Variants in FCHSD2 observed in about 807,000 individuals in gnomAD.
FCHSD2 encodes the protein FCH and double SH3 domains 2.
A neutral mutation model predicts 108.1 loss-of-function variants in FCHSD2; 38 were observed. That is an observed-to-expected ratio of 0.35 (90% CI 0.27 to 0.46). FCHSD2 has a LOEUF of 0.46. FCHSD2 is among the 20% of genes least tolerant of loss of function. The pLI, the probability that FCHSD2 is intolerant of heterozygous loss-of-function variation, is 1.00. For missense variants in FCHSD2, 751 were observed against 897.8 expected, an observed-to-expected ratio of 0.84 and a Z score of 2.09; for synonymous variants, 279 against 314.7, an observed-to-expected ratio of 0.89 and a Z score of 1.20.
At chr11:72,940,505 C>T in intron 8 of FCHSD2, 1 of 798,772 alleles carries the variant, frequency 1.3e-6, no homozygotes, top group Non-Finnish European at 2.2e-6. Context: ...AAGATGGGTG[C>T]ATACCCGCAC....
chr11:73,090,943 CT>C (rs1438850705), intron 2 of FCHSD2, among the ~76,000 whole-genome samples: 1 of 152,156 alleles, frequency 6.6e-6, no homozygotes, highest in Admixed American at 6.6e-5. Context: ...TTCTCCTCCC[CT>C]GTCAACTACT....
intron 14 of FCHSD2, among the ~76,000 whole-genome samples, chr11:72,847,134 C>T (rs1861167787): frequency 6.6e-6 from 1 of 152,246 alleles, no homozygotes; most frequent in Admixed American, 6.5e-5. Context: ...ATAGCTAGGA[C>T]GATAGGCATG....
At chr11:73,141,056 G>A (rs145736647) in intron 1 of FCHSD2, among the ~76,000 whole-genome samples, 15 of 152,358 alleles carry the variant, frequency 9.8e-5, no homozygotes, top group African/African-American at 2.9e-4. Context: ...AGTGCCCAGA[G>A]TAGACATTCA....
At chr11:73,112,634 C>T (rs1318430867) in intron 2 of FCHSD2, among the ~76,000 whole-genome samples, 3 of 152,054 alleles carry the variant, frequency 2.0e-5, no homozygotes, top group Admixed American at 6.5e-5. Context: ...TTAGATTTGC[C>T]TTTTTGTTGT....
At chr11:72,960,395 T>A (rs991199906) in intron 8 of FCHSD2, among the ~76,000 whole-genome samples, 1 of 152,194 alleles carries the variant, frequency 6.6e-6, no homozygotes, top group Non-Finnish European at 1.5e-5. Flanking sequence ...TCATATGGAA[T>A]ATATGCTCTA....
intron 3 of FCHSD2, chr11:73,077,708 A>G (rs1436053077): frequency 8.1e-6 from 3 of 371,038 alleles, no homozygotes; most frequent in African/African-American, 6.5e-5. Context: ...ACTGATGCAC[A>G]CAACAACATA....
chr11:73,048,801 G>C (rs1338397520), intron 3 of FCHSD2, among the ~76,000 whole-genome samples: 1 of 152,140 alleles, frequency 6.6e-6, no homozygotes, highest in Non-Finnish European at 1.5e-5. Context: ...CAAGAGAAAG[G>C]GTGGGGAATG....
chr11:72,939,928 T>C (rs2135339973), intron 8 of FCHSD2, among the ~76,000 whole-genome samples: 1 of 152,272 alleles, frequency 6.6e-6, no homozygotes. Context: ...TTGACGGCTC[T>C]TTGTATAACC....
intron 8 of FCHSD2, among the ~76,000 whole-genome samples, chr11:72,961,250 G>C (rs1290046350): frequency 6.6e-6 from 1 of 151,962 alleles, no homozygotes; most frequent in African/African-American, 2.4e-5. Context: ...TTTGTTTTTT[G>C]AGACAGAGTC....
chr11:72,999,122 G>A (rs751405944), intron 5 of FCHSD2, among the ~76,000 whole-genome samples: 2 of 152,094 alleles, frequency 1.3e-5, no homozygotes, highest in African/African-American at 2.4e-5. Context: ...AGTTATACAA[G>A]CAGATACATT....
chr11:73,060,555 G>A (rs1859136589), intron 3 of FCHSD2, among the ~76,000 whole-genome samples: 1 of 152,166 alleles, frequency 6.6e-6, no homozygotes, highest in South Asian at 2.1e-4. Flanking sequence ...GAGCCAGAAG[G>A]AGCCATAAAG....
intron 2 of FCHSD2, among the ~76,000 whole-genome samples, chr11:73,099,874 G>A (rs1263510310): frequency 6.6e-6 from 1 of 152,146 alleles, no homozygotes; most frequent in South Asian, 2.1e-4. Flanking sequence ...CTGGCCTCTC[G>A]GTCACTCCGA....
intron 5 of FCHSD2, 91 bp downstream of exon 5, chr11:73,000,899 A>C: frequency 9.0e-7 from 1 of 1,116,124 alleles, no homozygotes; most frequent in Non-Finnish European, 1.3e-6. Flanking sequence ...GGGACCATAT[A>C]GTTTTAAATA....
intron 18 of FCHSD2, 43 bp from the exon 19 acceptor site, chr11:72,841,002 G>C (rs748755228): frequency 3.2e-5 from 46 of 1,438,402 alleles, no homozygotes; most frequent in Non-Finnish European, 4.5e-5. Context: ...TTGAGTTGTT[G>C]AGCAATAATG....
chr11:73,099,731 A>T (rs748530013), intron 2 of FCHSD2, among the ~76,000 whole-genome samples: 2 of 152,216 alleles, frequency 1.3e-5, no homozygotes, highest in Admixed American at 1.3e-4. Flanking sequence ...GGGGCTGTCA[A>T]GCCGGACCAA....
intron 5 of FCHSD2, among the ~76,000 whole-genome samples, chr11:72,997,040 AAG>A (rs1316652795): frequency 6.6e-6 from 1 of 152,200 alleles, no homozygotes; most frequent in African/African-American, 2.4e-5. Context: ...AGGGTCTAGA[AAG>A]AGGGGTACTG....
intron 8 of FCHSD2, among the ~76,000 whole-genome samples, chr11:72,926,291 T>A (rs2135318097): frequency 6.6e-6 from 1 of 152,174 alleles, no homozygotes; most frequent in Non-Finnish European, 1.5e-5. Flanking sequence ...CCACACACAC[T>A]TCCTCCATTC....
chr11:73,090,468 G>C (rs11235651), intron 2 of FCHSD2, among the ~76,000 whole-genome samples: 1 of 151,696 alleles, frequency 6.6e-6, no homozygotes, highest in Admixed American at 6.6e-5. Flanking sequence ...CTCGTGATCC[G>C]CCCGCCTCGG....
chr11:73,068,857 A>G (rs1471022005), intron 3 of FCHSD2, among the ~76,000 whole-genome samples: 1 of 151,462 alleles, frequency 6.6e-6, no homozygotes, highest in Non-Finnish European at 1.5e-5. Flanking sequence ...AATTAAAAAA[A>G]CAAAAAAATC....
Sources: gnomAD v4.1 joint callset for allele counts (sites outside exome capture counted in the v4.1 genomes callset) on GRCh38, gnomAD v4.1.1 for gene constraint, MANE v1.5 for transcripts, NCBI Gene and HGNC (gene_info 2026-07-23, HGNC 2026-07-21) for gene names.